The following XNDC1N variants were observed in gnomAD, a reference collection of about 807,000 sequenced individuals.
The protein encoded by XNDC1N is XRCC1 N-terminal domain containing 1, N-terminal like.
chr11:71,909,283 G>A, the XNDC1N span, among the ~76,000 whole-genome samples: 5 of 151,002 alleles, frequency 3.3e-5, no homozygotes, highest in African/African-American at 4.9e-5. Flanking sequence ...GGTCAGGCCC[G>A]GCGATATGCC....
At chr11:71,909,950 C>T in the XNDC1N span, among the ~76,000 whole-genome samples, 80 of 152,062 alleles carry the variant, frequency 5.3e-4, no homozygotes, top group African/African-American at 1.8e-3. Context: ...TTAACTGAGC[C>T]GGGCCAAGAG....
the XNDC1N span, among the ~76,000 whole-genome samples, chr11:71,884,888 G>A: frequency 2.0e-5 from 3 of 151,412 alleles, no homozygotes; most frequent in Non-Finnish European, 2.9e-5. Context: ...GCGATGCTGG[G>A]AGTAAGAGCC....
the XNDC1N span, among the ~76,000 whole-genome samples, chr11:71,924,602 CG>C: frequency 6.6e-6 from 1 of 151,854 alleles, no homozygotes; most frequent in Admixed American, 6.6e-5. Flanking sequence ...GGCGTGAACC[CG>C]GGAGGTGGAG....
the XNDC1N span, among the ~76,000 whole-genome samples, chr11:71,906,463 C>T: frequency 6.6e-6 from 1 of 152,002 alleles, no homozygotes; most frequent in African/African-American, 2.4e-5. Context: ...GAAGTCACAT[C>T]CCCCGAGGAT....
chr11:71,922,929 A>T, the XNDC1N span, among the ~76,000 whole-genome samples: 1 of 152,184 alleles, frequency 6.6e-6, no homozygotes, highest in African/African-American at 2.4e-5. Flanking sequence ...CTGAGATCAC[A>T]CTTGATGCTG....
At chr11:71,913,720 T>A in the XNDC1N span, among the ~76,000 whole-genome samples, 1 of 151,138 alleles carries the variant, frequency 6.6e-6, no homozygotes, top group African/African-American at 2.4e-5. Context: ...TCTAGGAGTT[T>A]CATAGCTAGA....
chr11:71,922,042 C>T, the XNDC1N span, among the ~76,000 whole-genome samples: 1 of 152,052 alleles, frequency 6.6e-6, no homozygotes, highest in Non-Finnish European at 1.5e-5. Flanking sequence ...TGCCTGTAAT[C>T]CCAGCTACAC....
At chr11:71,901,057 C>T in the XNDC1N span, among the ~76,000 whole-genome samples, 1 of 152,114 alleles carries the variant, frequency 6.6e-6, no homozygotes, top group Non-Finnish European at 1.5e-5. Context: ...CCAGTGGGTG[C>T]CACAATCACT....
the XNDC1N span, among the ~76,000 whole-genome samples, chr11:71,866,550 G>A: frequency 1.9e-4 from 29 of 152,296 alleles, no homozygotes; most frequent in Non-Finnish European, 4.4e-5. Context: ...GGGAGGCCGA[G>A]GTCAGGAGTT....
chr11:71,891,154 G>C, the XNDC1N span, among the ~76,000 whole-genome samples: 8 of 151,942 alleles, frequency 5.3e-5, no homozygotes, highest in African/African-American at 1.9e-4. Flanking sequence ...CTGCGATATT[G>C]AAAATGATAT....
the XNDC1N span, chr11:71,914,224 C>T: frequency 1.1e-4 from 51 of 451,714 alleles, 1 homozygote; most frequent in Admixed American, 1.0e-3. Flanking sequence ...TAAATTAAAA[C>T]CTTCTGGAAA....
chr11:71,865,885 C>A, the XNDC1N span: 2 of 443,806 alleles, frequency 4.5e-6, no homozygotes, highest in South Asian at 1.6e-5. Context: ...AATAAACAAA[C>A]AAATAAAAAT....
chr11:71,928,409 G>A, the XNDC1N span: 1 of 695,782 alleles, frequency 1.4e-6, no homozygotes, highest in Non-Finnish European at 2.6e-6. Context: ...TCGGATCTCG[G>A]ACCACCAAAC....
chr11:71,922,349 C>T, the XNDC1N span, among the ~76,000 whole-genome samples: 2 of 152,176 alleles, frequency 1.3e-5, no homozygotes, highest in Admixed American at 1.3e-4. Flanking sequence ...GTCGCCCAGG[C>T]TGGAGTGCAG....
the XNDC1N span, among the ~76,000 whole-genome samples, chr11:71,897,296 C>G: frequency 6.6e-6 from 1 of 152,170 alleles, no homozygotes; most frequent in African/African-American, 2.4e-5. Context: ...AAACATAACC[C>G]ATGGATTAGG....
the XNDC1N span, among the ~76,000 whole-genome samples, chr11:71,926,647 T>C: frequency 1.3e-5 from 2 of 152,186 alleles, no homozygotes; most frequent in South Asian, 2.1e-4. Flanking sequence ...ACACCTGTAA[T>C]CCCAGCATTT....
At chr11:71,919,167 G>A in the XNDC1N span, 4 of 612,598 alleles carry the variant, frequency 6.5e-6, no homozygotes, top group Non-Finnish European at 1.2e-5. Context: ...GGAGGCCATA[G>A]GAATACTGTT....
At chr11:71,894,780 A>G in the XNDC1N span, among the ~76,000 whole-genome samples, 2 of 152,220 alleles carry the variant, frequency 1.3e-5, no homozygotes, top group African/African-American at 4.8e-5. Context: ...CTCCAACACC[A>G]TTGGTTGTTC....
the XNDC1N span, among the ~76,000 whole-genome samples, chr11:71,922,291 T>C: frequency 2.0e-5 from 3 of 151,930 alleles, no homozygotes. Context: ...TCTAAGGGTT[T>C]TTTTGTTTGT....
Sources: allele counts gnomAD v4.1 joint callset (sites outside exome capture counted in the v4.1 genomes callset), GRCh38; gene constraint gnomAD v4.1.1; transcripts MANE v1.5; gene names NCBI Gene and HGNC (gene_info 2026-07-23, HGNC 2026-07-21).